PHF21A: variants seen among roughly 807,000 people sequenced by gnomAD.
PHF21A encodes the protein PHD finger protein 21A.
PHF21A carries 11 observed loss-of-function variants against 82.5 expected under a neutral mutation model. The observed-to-expected ratio is 0.13, with a 90% CI of 0.08 to 0.22. The LOEUF (loss-of-function observed/expected upper bound fraction) is 0.22. PHF21A is among the 10% of genes least tolerant of loss of function. PHF21A has a pLI of 1.00. For missense variants in PHF21A, 579 were observed against 837.8 expected (o/e 0.69, Z 3.81); for synonymous variants, 297 against 302.8 (o/e 0.98, Z 0.20).
intron 15 of PHF21A, among the ~76,000 whole-genome samples, chr11:45,940,015 G>A (rs2135202277): frequency 6.6e-6 from 1 of 151,896 alleles, no homozygotes; most frequent in Admixed American, 6.6e-5. Flanking sequence ...AGAGGAATGT[G>A]AATCCTTCCT....
chr11:45,966,728 T>C (rs1235953952), intron 9 of PHF21A, among the ~76,000 whole-genome samples: 1 of 152,168 alleles, frequency 6.6e-6, no homozygotes, highest in Non-Finnish European at 1.5e-5. Flanking sequence ...CAAGTGATTC[T>C]CCTGCCCCAG....
At chr11:46,107,565 A>G (rs2097165984) in intron 1 of PHF21A, among the ~76,000 whole-genome samples, 1 of 152,246 alleles carries the variant, frequency 6.6e-6, no homozygotes, top group South Asian at 2.1e-4. Context: ...AGGCTTTAGC[A>G]CTTCGTGGAT....
At chr11:46,120,486 C>G (rs1191750623) in intron 1 of PHF21A, 1 of 151,978 alleles carries the variant, frequency 6.6e-6, no homozygotes, top group African/African-American at 2.4e-5. Flanking sequence ...GGCTCCGGCC[C>G]TGCACTCTGC....
intron 6 of PHF21A, among the ~76,000 whole-genome samples, chr11:46,013,305 C>T (rs2095447282): frequency 6.6e-6 from 1 of 152,150 alleles, no homozygotes; most frequent in Non-Finnish European, 1.5e-5. Flanking sequence ...CGAAATCTCT[C>T]CCTGTCCCAC....
intron 6 of PHF21A, among the ~76,000 whole-genome samples, chr11:46,021,682 T>C (rs888264268): frequency 3.9e-5 from 6 of 152,176 alleles, no homozygotes; most frequent in Middle Eastern, 3.4e-3. Flanking sequence ...TCTGAGACTA[T>C]AGGCACACAC....
rs2088009669 is a variant in PHF21A at position 45,933,654 on chromosome 11, AG to A, written c.*313del. 2 of 229,552 alleles carry A rather than the reference AG, an allele frequency of 8.7e-6. No homozygotes were observed. Among genetic ancestry groups the A allele is most frequent in the East Asian group, 1.7e-4 (2 of 11,786 alleles). 14.2% of individuals were successfully genotyped at this position (229,552 alleles called of 1,614,324 possible). On this transcript the variant is annotated 3_prime_UTR_variant, in exon 19 of 19. Coordinates refer to ENST00000676320, the MANE Select transcript of PHF21A (RefSeq NM_001352027.3). Reference sequence around the variant, plus strand: ...AGAAACAAACCCATCGTGGCTGTGGAGGCTGCTGCAGGCACACACTGGTGTA... The same window carrying A: ...AGAAACAAACCCATCGTGGCTGTGGAGCTGCTGCAGGCACACACTGGTGTA...
chr11:46,056,075 T>C (rs1565766052), intron 6 of PHF21A, among the ~76,000 whole-genome samples: 1 of 152,180 alleles, frequency 6.6e-6, no homozygotes. Context: ...TAACCTGTTT[T>C]TTTTAAATAA....
chr11:46,087,537 A>G (rs1047185182), intron 3 of PHF21A, among the ~76,000 whole-genome samples: 7 of 149,640 alleles, frequency 4.7e-5, no homozygotes, highest in Admixed American at 6.9e-5. Context: ...TAGAAGATTC[A>G]TTTGAAATTC....
At chr11:46,050,867 C>G (rs1316006780) in intron 6 of PHF21A, among the ~76,000 whole-genome samples, 1 of 152,198 alleles carries the variant, frequency 6.6e-6, no homozygotes, top group Non-Finnish European at 1.5e-5. Flanking sequence ...ATACACCCCT[C>G]TCTACTATTT....
At chr11:45,946,681 A>G (rs2091350632) in intron 14 of PHF21A, among the ~76,000 whole-genome samples, 6 of 152,054 alleles carry the variant, frequency 3.9e-5, no homozygotes, top group Admixed American at 3.9e-4. Flanking sequence ...GGCCGAATTT[A>G]TTATTTTTTC....
At chr11:45,987,187 A>T (rs1467287425) in intron 6 of PHF21A, among the ~76,000 whole-genome samples, 3 of 151,960 alleles carry the variant, frequency 2.0e-5, no homozygotes, top group Admixed American at 6.6e-5. Flanking sequence ...TTGAAGCTTC[A>T]GTGAGCTATA....
At chr11:46,078,996 T>C in intron 5 of PHF21A, 138 bp downstream of exon 5, 1 of 541,222 alleles carries the variant, frequency 1.8e-6, no homozygotes, top group Non-Finnish European at 3.3e-6. Context: ...TGAAGATCAA[T>C]GTATTAAAAA....
chr11:45,955,302 A>AC (rs1372924330), intron 10 of PHF21A, among the ~76,000 whole-genome samples: 1 of 152,162 alleles, frequency 6.6e-6, no homozygotes, highest in East Asian at 1.9e-4. Flanking sequence ...ACACACACAC[A>AC]CACACACTTT....
chr11:45,971,864 G>C (rs1259268903), intron 7 of PHF21A, among the ~76,000 whole-genome samples: 1 of 65,712 alleles, frequency 1.5e-5, no homozygotes, highest in Non-Finnish European at 3.7e-5. Flanking sequence ...CAAAGGCTGG[G>C]GTAAAAGGAC....
chr11:45,979,962 C>A lies in PHF21A; in HGVS notation c.158G>T (p.Arg53Ile), dbSNP rs1399754212. ...GTTCTTCCGTAGCTGTTCAACTACTCTTTTCTACCAAATGAAGACAAAAAG... is the reference window on the plus strand; with the variant it reads ...GTTCTTCCGTAGCTGTTCAACTACTATTTTCTACCAAATGAAGACAAAAAG... ...KITALSEKQK[R>I]VVEQLRKNLI... The change falls in exon 7 of 19, where the codon AGA becomes ATA. Residue 53 changes from arginine (R) to isoleucine (I), a missense_variant. Physicochemically the swap from Arg to Ile is moderately conservative, Grantham distance 97. Transcript: ENST00000676320. 1 of 1,614,028 alleles carries A rather than the reference C, an allele frequency of 6.2e-7. No individual in the cohort carries two copies.
intron 6 of PHF21A, among the ~76,000 whole-genome samples, chr11:46,047,046 T>C (rs1442041837): frequency 6.6e-5 from 10 of 152,254 alleles, no homozygotes; most frequent in Non-Finnish European, 1.0e-4. Flanking sequence ...CAAACATTCT[T>C]CTCATGTTTA....
chr11:46,035,886 T>C (rs541055643), intron 6 of PHF21A, among the ~76,000 whole-genome samples: 20 of 152,340 alleles, frequency 1.3e-4, no homozygotes, highest in African/African-American at 4.3e-4. Flanking sequence ...CGTTAAGATT[T>C]TGGACTTGGT....
At chr11:46,044,522 C>T (rs1427365695) in intron 6 of PHF21A, among the ~76,000 whole-genome samples, 1 of 151,910 alleles carries the variant, frequency 6.6e-6, no homozygotes, top group Non-Finnish European at 1.5e-5. Context: ...ACCTGTGTAA[C>T]CTTCACACAG....
intron 6 of PHF21A, among the ~76,000 whole-genome samples, chr11:46,065,282 T>C (rs1255944673): frequency 6.6e-6 from 1 of 152,192 alleles, no homozygotes; most frequent in Non-Finnish European, 1.5e-5. Context: ...GCAAAGTCTG[T>C]TGAAAGGCTT....
Sources: allele counts gnomAD v4.1 joint callset (sites outside exome capture counted in the v4.1 genomes callset), GRCh38; gene constraint gnomAD v4.1.1; transcripts MANE v1.5; gene names NCBI Gene and HGNC (gene_info 2026-07-23, HGNC 2026-07-21).